Variants in PLCXD3 observed in about 807,000 individuals in gnomAD.
The protein encoded by PLCXD3 is PI-PLC X domain-containing protein 3.
In PLCXD3, 19 loss-of-function variants were observed where a neutral mutation model predicts 25.5. The observed-to-expected ratio is 0.75, with a 90% CI of 0.52 to 1.09. The LOEUF (loss-of-function observed/expected upper bound fraction) is 1.09. Ranked by LOEUF, PLCXD3 falls within the 50% of genes least tolerant of loss-of-function variation. The pLI is 0.00. For synonymous variants in PLCXD3, 174 were observed against 137.6 expected, an observed-to-expected ratio of 1.26 and a Z score of -1.85; for missense variants, 411 against 388.1, an observed-to-expected ratio of 1.06 and a Z score of -0.50.
chr5:41,426,214 C>A (rs1166464743), intron 1 of PLCXD3, among the ~76,000 whole-genome samples: 3 of 151,838 alleles, frequency 2.0e-5, no homozygotes, highest in Admixed American at 2.0e-4. Context: ...TGTGGAGCAT[C>A]TTTTCATATG....
At position 41,382,291 on chromosome 5, in the gene PLCXD3, A is replaced by G. The variant is rs201322058; in HGVS notation, c.347T>C (p.Leu116Ser). Residue 116 changes from leucine (L) to serine (S), a missense_variant, in exon 2 of 3, where the codon TTG becomes TCG. Leu to Ser is a moderately radical substitution (Grantham distance 145). Coordinates refer to ENST00000377801, the MANE Select transcript of PLCXD3 (RefSeq NM_001005473.3). ...GCCTTCATTGACTTTGGCACTGAAC[A>G]AACCATGAGCAAAATAGAGTTCATT... ...PDNELYFAHGLFSAKVNEGLE... is the reference protein window; with the variant it reads ...PDNELYFAHGSFSAKVNEGLE... The G allele has an allele frequency of 1.2e-6, 2 of 1,613,648 alleles. No individual in the cohort carries two copies. Among genetic ancestry groups the G allele is most frequent in the African/African-American group, 2.7e-5 (2 of 74,990 alleles).
chr5:41,448,680 C>T (rs1580378585), intron 1 of PLCXD3, among the ~76,000 whole-genome samples: 2 of 152,276 alleles, frequency 1.3e-5, no homozygotes, highest in East Asian at 3.9e-4. Context: ...TCCTTTTCTT[C>T]TTTCCCTACC....
chr5:41,386,394 C>A (rs1223146004), intron 1 of PLCXD3, among the ~76,000 whole-genome samples: 3 of 151,984 alleles, frequency 2.0e-5, no homozygotes. Context: ...GTAATCATTT[C>A]TATATTTTAT....
intron 2 of PLCXD3, among the ~76,000 whole-genome samples, chr5:41,351,537 T>C (rs191192240): frequency 2.6e-5 from 4 of 152,224 alleles, no homozygotes; most frequent in East Asian, 1.9e-4. Context: ...AGACACCTAG[T>C]AGAAAAAAAC....
rs557462028 is a variant in PLCXD3 at position 41,411,559 on chromosome 5, CACAA to C, written c.104-29029_104-29026del. Among the ~76,000 whole-genome samples, 57 of 152,136 alleles carry C rather than the reference CACAA, an allele frequency of 3.7e-4. No homozygotes were observed. The East Asian group carries it at 6.6e-3, about 18-fold the overall frequency. On this transcript the variant is annotated intron_variant, in intron 1 of 2. Transcript: ENST00000377801. ...TAATAAGAAATGTTTATAAAACTGG[CACAA>C]ACAAACAAACTGGTTTCTAAAAACT... is the stretch of plus-strand genomic sequence containing the variant.
intron 1 of PLCXD3, among the ~76,000 whole-genome samples, chr5:41,490,280 G>A (rs1748630041): frequency 6.6e-6 from 1 of 152,208 alleles, no homozygotes; most frequent in South Asian, 2.1e-4. Flanking sequence ...TCCCAGGGAT[G>A]AAGCCCACTT....
chr5:41,417,923 C>A (rs1746730590), intron 1 of PLCXD3, among the ~76,000 whole-genome samples: 1 of 152,180 alleles, frequency 6.6e-6, no homozygotes, highest in East Asian at 1.9e-4. Flanking sequence ...AATAGAATAT[C>A]CTCATGTGTT....
intron 1 of PLCXD3, among the ~76,000 whole-genome samples, chr5:41,447,083 C>A (rs888001027): frequency 6.6e-6 from 1 of 152,106 alleles, no homozygotes; most frequent in African/African-American, 2.4e-5. Flanking sequence ...GGTCAGAAAG[C>A]GTCATGAAGG....
intron 1 of PLCXD3, among the ~76,000 whole-genome samples, chr5:41,401,503 A>G (rs1485036937): frequency 6.6e-6 from 1 of 152,050 alleles, no homozygotes; most frequent in Non-Finnish European, 1.5e-5. Context: ...TTAATTGACC[A>G]TATGTGTATG....
chr5:41,430,763 G>A (rs1169472605), intron 1 of PLCXD3, among the ~76,000 whole-genome samples: 3 of 152,176 alleles, frequency 2.0e-5, no homozygotes, highest in South Asian at 2.1e-4. Context: ...TAAATTATTC[G>A]AAAGCTTTTG....
At chr5:41,340,587 G>A (rs1396381556) in intron 2 of PLCXD3, among the ~76,000 whole-genome samples, 1 of 152,122 alleles carries the variant, frequency 6.6e-6, no homozygotes, top group Non-Finnish European at 1.5e-5. Flanking sequence ...GGTCTCTGAT[G>A]ACTGCGTGCA....
chr5:41,315,455 A>G (rs577967704), intron 2 of PLCXD3, among the ~76,000 whole-genome samples: 1 of 152,214 alleles, frequency 6.6e-6, no homozygotes, highest in Non-Finnish European at 1.5e-5. Context: ...TGAGAAATAT[A>G]TAACAACTGA....
intron 1 of PLCXD3, among the ~76,000 whole-genome samples, chr5:41,502,293 C>T (rs1385271930): frequency 6.6e-6 from 1 of 152,002 alleles, no homozygotes; most frequent in African/African-American, 2.4e-5. Flanking sequence ...CTGTTTGCAT[C>T]AAGTTTTTAA....
intron 1 of PLCXD3, 107 bp downstream of exon 1, chr5:41,510,317 T>C (rs1256743021): frequency 4.0e-5 from 40 of 995,488 alleles, no homozygotes; most frequent in Non-Finnish European, 5.9e-5. Flanking sequence ...AAGACGAGTT[T>C]CCCTCCCGCG....
intron 2 of PLCXD3, among the ~76,000 whole-genome samples, chr5:41,381,516 C>T (rs946946255): frequency 1.3e-5 from 2 of 151,970 alleles, no homozygotes; most frequent in African/African-American, 4.8e-5. Flanking sequence ...TGGAGTGATG[C>T]ATGTATAAGC....
intron 1 of PLCXD3, among the ~76,000 whole-genome samples, chr5:41,475,292 A>G (rs1748255362): frequency 1.3e-5 from 2 of 152,136 alleles, no homozygotes; most frequent in Admixed American, 6.5e-5. Flanking sequence ...TTTGTCATTC[A>G]TCTGGTTGAT....
chr5:41,475,293 T>C (rs758997004), intron 1 of PLCXD3, among the ~76,000 whole-genome samples: 1 of 152,190 alleles, frequency 6.6e-6, no homozygotes, highest in Non-Finnish European at 1.5e-5. Flanking sequence ...TTGTCATTCA[T>C]CTGGTTGATT....
At chr5:41,422,074 T>TAAAAATAAAAAAATATAAATTAAAAAAA (rs1746841832) in intron 1 of PLCXD3, among the ~76,000 whole-genome samples, 1 of 152,140 alleles carries the variant, frequency 6.6e-6, no homozygotes, top group Admixed American at 6.5e-5. Context: ...TAAACACACT[T>TAAAAATAAAAAAATATAAATTAAAAAAA]ACTGTATTTT....
chr5:41,442,793 A>G (rs761727792), intron 1 of PLCXD3, among the ~76,000 whole-genome samples: 2 of 152,060 alleles, frequency 1.3e-5, no homozygotes, highest in African/African-American at 4.8e-5. Context: ...AAACACTTCA[A>G]ATCAAATCTG....
Sources: gnomAD v4.1 joint callset for allele counts (sites outside exome capture counted in the v4.1 genomes callset) on GRCh38, gnomAD v4.1.1 for gene constraint, MANE v1.5 for transcripts, NCBI Gene and HGNC (gene_info 2026-07-23, HGNC 2026-07-21) for gene names.